The following MGAT5B variants were observed in gnomAD, a reference collection of about 807,000 sequenced individuals.
MGAT5B encodes N-acetylglucosaminyl-transferase Vb.
MGAT5B carries 54 observed loss-of-function variants against 95.1 expected under a neutral mutation model. That is an observed-to-expected ratio of 0.57 (90% CI 0.46 to 0.71). The LOEUF (loss-of-function observed/expected upper bound fraction) is 0.71, where lower values mean the gene tolerates loss of function less well. Ranked by LOEUF, MGAT5B falls within the 30% of genes least tolerant of loss-of-function variation. MGAT5B has a pLI of 0.00. For synonymous variants in MGAT5B, 464 were observed against 451.0 expected, an observed-to-expected ratio of 1.03 and a Z score of -0.36; for missense variants, 935 against 1,088.6, an observed-to-expected ratio of 0.86 and a Z score of 1.99.
chr17:76,920,633 T>A (rs1369683914), intron 8 of MGAT5B, among the ~76,000 whole-genome samples: 1 of 152,154 alleles, frequency 6.6e-6, no homozygotes, highest in East Asian at 1.9e-4. Context: ...TTGAAAATCC[T>A]TGTTTTCCAG....
intron 16 of MGAT5B, among the ~76,000 whole-genome samples, chr17:76,947,336 G>C (rs1179696480): frequency 6.6e-6 from 1 of 152,188 alleles, no homozygotes; most frequent in Non-Finnish European, 1.5e-5. Flanking sequence ...CAGGTGAGGG[G>C]GTGAGGGTCA....
rs1966890854 is a variant in MGAT5B, at chr17:76,868,880, A to G, written c.-150A>G. On this transcript the variant is annotated 5_prime_UTR_variant, in exon 1 of 18. Coordinates refer to ENST00000569840, the MANE Select transcript of MGAT5B (RefSeq NM_001199172.2). This position sits in a 1 kb window ranked among gnomAD's most constrained non-coding sequence, Gnocchi z 6.3. ...TCCCTCCGCTGCACGCCCAGGCCTG[A>G]GCAGCGAGGCCACCGGGCCGCGCGC... 3.3e-6 allele frequency: 2 copies of G among 615,050 alleles called. No individual in the cohort carries two copies. The highest frequency in any genetic ancestry group is 5.3e-6 in the Non-Finnish European group (2 of 377,356). The allele number at this position is 615,050 out of a possible 1,614,324, so 38.1% of individuals were successfully genotyped here.
At chr17:76,909,892 AGT>A (rs1387721800) in intron 8 of MGAT5B, among the ~76,000 whole-genome samples, 1 of 152,170 alleles carries the variant, frequency 6.6e-6, no homozygotes, top group Non-Finnish European at 1.5e-5. Context: ...GTAAAGAAAA[AGT>A]GTCTCCAGAG....
chr17:76,877,722 C>T (rs1036296089), intron 2 of MGAT5B, among the ~76,000 whole-genome samples: 2 of 152,186 alleles, frequency 1.3e-5, no homozygotes, highest in Non-Finnish European at 2.9e-5. Context: ...TCCAGCTGCA[C>T]GAACACCCAG....
intron 10 of MGAT5B, among the ~76,000 whole-genome samples, chr17:76,927,907 A>G (rs7224433): frequency 0.7 from 106,205 of 152,230 alleles, 37,862 homozygotes; most frequent in East Asian, 0.78. Flanking sequence ...GACTCTGAGC[A>G]GAGTCCTGAC....
chr17:76,921,330 CTTAT>C (rs754563964), intron 8 of MGAT5B, among the ~76,000 whole-genome samples: 9 of 152,182 alleles, frequency 5.9e-5, no homozygotes, highest in Non-Finnish European at 1.0e-4. Flanking sequence ...CAGCTGCTGT[CTTAT>C]TGTAGATTCC....
chr17:76,931,722 C>A (rs865948326), intron 10 of MGAT5B, among the ~76,000 whole-genome samples: 1 of 152,182 alleles, frequency 6.6e-6, no homozygotes, highest in African/African-American at 2.4e-5. Context: ...AAGACTCTAC[C>A]AAGAGAGCCA....
chr17:76,868,947 C>A lies in MGAT5B; in HGVS notation c.-83C>A. 5 of 1,401,682 alleles carry A rather than the reference C, an allele frequency of 3.6e-6. No individual in the cohort carries two copies. The highest frequency in any genetic ancestry group is 5.0e-6 in the Non-Finnish European group (5 of 995,112). The allele number at this position is 1,401,682 out of a possible 1,614,324, so 86.8% of individuals were successfully genotyped here. ...ACGCGGCTTCGGCCCGCAGAGGGTT[C>A]GTGGCCCGGACGCGGCGAGAGCTGG... On this transcript the variant is annotated 5_prime_UTR_variant, in exon 1 of 18. Transcript: ENST00000569840. The surrounding 1 kb of genome is among the most constrained non-coding windows in gnomAD (Gnocchi z 6.3).
rs2145196598 is a variant in MGAT5B, at chr17:76,906,609, A to C, written c.1025+422A>C. On this transcript the variant is annotated intron_variant, in intron 8 of 17. Coordinates refer to ENST00000569840, the MANE Select transcript of MGAT5B (RefSeq NM_001199172.2). This position sits in a 1 kb window ranked among gnomAD's most constrained non-coding sequence, Gnocchi z 4.6. Reference sequence around the variant, plus strand: ...GAGACCAGTAAGACATGGAGGATGAAGGGGCGTGGTTGGGTGGGTGGTGCC... The same window carrying C: ...GAGACCAGTAAGACATGGAGGATGACGGGGCGTGGTTGGGTGGGTGGTGCC... 6.6e-6 allele frequency among the ~76,000 whole-genome samples: 1 copy of C among 152,162 alleles called. No individual in the cohort carries two copies. Among genetic ancestry groups the C allele is most frequent in the East Asian group, 1.9e-4 (1 of 5,156 alleles).
chr17:76,909,027 G>A (rs770590828), intron 8 of MGAT5B, among the ~76,000 whole-genome samples: 21 of 152,042 alleles, frequency 1.4e-4, no homozygotes, highest in Admixed American at 3.3e-4. Context: ...TGCTGGTCTC[G>A]AACTCCTGAC....
rs948111935 is a variant in MGAT5B, at chr17:76,948,885, C to T, written c.*47C>T. 17 of 1,513,610 alleles carry T rather than the reference C, an allele frequency of 1.1e-5. No homozygotes were observed. The highest frequency in any genetic ancestry group is 1.5e-5 in the Non-Finnish European group (17 of 1,127,158). 93.8% of individuals were successfully genotyped at this position (1,513,610 alleles called of 1,614,324 possible). On this transcript the variant is annotated 3_prime_UTR_variant, in exon 18 of 18. Coordinates refer to ENST00000569840, the MANE Select transcript of MGAT5B (RefSeq NM_001199172.2). Reference sequence around the variant, plus strand: ...TGGCACCCACGCTGGCTCTCTCCTGCCGCGGGAGAAAGCACCAGCAGGTTC... The same window carrying T: ...TGGCACCCACGCTGGCTCTCTCCTGTCGCGGGAGAAAGCACCAGCAGGTTC...
intron 3 of MGAT5B, among the ~76,000 whole-genome samples, chr17:76,900,212 A>G (rs886790205): frequency 6.6e-6 from 1 of 152,144 alleles, no homozygotes; most frequent in Admixed American, 6.5e-5. Flanking sequence ...TTTTGGATAG[A>G]TGAAAAATAC....
Position 76,876,459 on chromosome 17 carries a change from GA to G in MGAT5B, c.181+3512del, listed in dbSNP as rs34848815. On this transcript the variant is annotated intron_variant, in intron 2 of 17. Transcript: ENST00000569840. ...AAACCCTCTAAGGCCCTGCTATTTA[GA>G]AAAAAAAAAAAAAAATTGCATTGGT... Among the ~76,000 whole-genome samples the G allele has an allele frequency of 4.1e-3, 531 of 131,078 alleles. 1 individual carries two copies. Among genetic ancestry groups the G allele is most frequent in the African/African-American group, 9.5e-3 (343 of 36,066 alleles). The allele number at this position is 131,078 out of a possible 152,430, so 86.0% of individuals were successfully genotyped here.
At position 76,938,189 on chromosome 17, in the gene MGAT5B, A is replaced by C; in HGVS notation, c.1584+46A>C. ...CCATTCTCACACTTGCCGGCTGCAG[A>C]CACTGAGGTCACCACCCATGCCTGC... is the stretch of plus-strand genomic sequence containing the variant. On this transcript the variant is annotated intron_variant, in intron 13 of 17. Transcript: ENST00000569840. The surrounding 1 kb of genome is among the most constrained non-coding windows in gnomAD (Gnocchi z 4.3). The C allele has an allele frequency of 1.9e-6, 3 of 1,604,052 alleles. No homozygotes were observed. The highest frequency in any genetic ancestry group is 2.6e-6 in the Non-Finnish European group (3 of 1,173,918).
Position 76,940,704 on chromosome 17 carries a change from G to T in MGAT5B, c.1732-28G>T, listed in dbSNP as rs371688537. The T allele has an allele frequency of 6.2e-7, 1 of 1,609,660 alleles. No individual in the cohort carries two copies. Among genetic ancestry groups the T allele is most frequent in the Non-Finnish European group, 8.5e-7 (1 of 1,176,480 alleles). On this transcript the variant is annotated intron_variant, in intron 14 of 17. Coordinates refer to ENST00000569840, the MANE Select transcript of MGAT5B (RefSeq NM_001199172.2). The surrounding 1 kb of genome is among the most constrained non-coding windows in gnomAD (Gnocchi z 4.3). The stretch of plus-strand genomic sequence containing the variant: ...CCTGTCCCACTGGCAGGCACGGGGG[G>T]CATCTGCAATCTCTGTACCCTTGCC...
intron 15 of MGAT5B, among the ~76,000 whole-genome samples, chr17:76,943,039 C>G (rs1015210836): frequency 1.3e-5 from 2 of 151,854 alleles, no homozygotes; most frequent in Non-Finnish European, 2.9e-5. Flanking sequence ...AACTTGCCCC[C>G]CCGGGAGGCC....
At chr17:76,946,321 G>T (rs1162390621) in intron 15 of MGAT5B, 55 bp from the exon 16 acceptor site, 9 of 1,477,170 alleles carry the variant, frequency 6.1e-6, no homozygotes, top group Middle Eastern at 1.8e-4. Flanking sequence ...GCATGGCAGG[G>T]CCCCCGACGG....
intron 3 of MGAT5B, among the ~76,000 whole-genome samples, chr17:76,899,202 G>A (rs1968212012): frequency 6.6e-6 from 1 of 152,186 alleles, no homozygotes; most frequent in African/African-American, 2.4e-5. Context: ...TTGTGCCCTG[G>A]GGTCTCTGGT....
intron 3 of MGAT5B, among the ~76,000 whole-genome samples, chr17:76,898,334 T>TG: frequency 6.7e-6 from 1 of 148,748 alleles, no homozygotes; most frequent in Middle Eastern, 3.4e-3. Context: ...ATCTTTTTAT[T>TG]TTTTTTTTTT....
Sources: allele counts gnomAD v4.1 joint callset (sites outside exome capture counted in the v4.1 genomes callset), GRCh38; gene constraint gnomAD v4.1.1; non-coding constraint Gnocchi (gnomAD v3.1); transcripts MANE v1.5; gene names NCBI Gene and HGNC (gene_info 2026-07-23, HGNC 2026-07-21).